PPP5C: variants seen among roughly 807,000 people sequenced by gnomAD.
PPP5C encodes the protein protein phosphatase 5 catalytic subunit, also known as serine/threonine-protein phosphatase 5.
A neutral mutation model predicts 66.7 loss-of-function variants in PPP5C; 21 were observed. The observed-to-expected ratio is 0.31, with a 90% CI of 0.22 to 0.45. PPP5C has a LOEUF of 0.45. Ranked by LOEUF, PPP5C falls within the 20% of genes least tolerant of loss-of-function variation. The pLI is 1.00. For missense variants in PPP5C, 464 were observed against 675.9 expected, an observed-to-expected ratio of 0.69 and a Z score of 3.48; for synonymous variants, 246 against 257.4, an observed-to-expected ratio of 0.96 and a Z score of 0.43.
intron 2 of PPP5C, 36 bp downstream of exon 2, chr19:46,354,025 C>A: frequency 6.2e-7 from 1 of 1,605,084 alleles, no homozygotes; most frequent in Non-Finnish European, 8.5e-7. Flanking sequence ...GGCACCTGAG[C>A]CAGGCAGATA....
Position 46,383,220 on chromosome 19 carries a change from C to T in PPP5C, c.634-191C>T. ...TCGCAATGCTTCGGCACTGCACAGG[C>T]CACAGAAGCCTGCGGCTGCCTCCGG... is the stretch of plus-strand genomic sequence containing the variant. On this transcript the variant is annotated intron_variant, in intron 4 of 12. Transcript: ENST00000012443. This position sits in a 1 kb window ranked among gnomAD's most constrained non-coding sequence, Gnocchi z 5.0. 6.5e-7 allele frequency: 1 copy of T among 1,536,218 alleles called. No individual in the cohort carries two copies. Among genetic ancestry groups the T allele is most frequent in the Non-Finnish European group, 8.7e-7 (1 of 1,144,464 alleles).
Position 46,390,523 on chromosome 19 carries a change from T to C in PPP5C, c.*177T>C. 1.4e-6 allele frequency: 2 copies of C among 1,421,438 alleles called. No individual in the cohort carries two copies. The highest frequency in any genetic ancestry group is 2.9e-5 in the African/African-American group (2 of 69,888). The allele number at this position is 1,421,438 out of a possible 1,614,324, so 88.1% of individuals were successfully genotyped here. A position where few individuals can be genotyped will look rare whatever the true frequency, so the allele number is the denominator to read the frequency against. ...AGGGGGTAGGGGCAGAGTCAGGGGCTGGCCAGAGGGTCTGCTCCCTGGACA... is the reference window on the plus strand; with the variant it reads ...AGGGGGTAGGGGCAGAGTCAGGGGCCGGCCAGAGGGTCTGCTCCCTGGACA... On this transcript the variant is annotated 3_prime_UTR_variant, in exon 13 of 13. Transcript: ENST00000012443.
rs1972704774 is a variant in PPP5C, at chr19:46,376,774, G to GC, written c.633+201dup. ...CCACAGCAGTTTGGGGAGGTGGCAG[G>GC]CAGTGCCATTTGACAGATGCAGGGA... On this transcript the variant is annotated intron_variant, in intron 4 of 12. Coordinates refer to ENST00000012443, the MANE Select transcript of PPP5C (RefSeq NM_006247.4). The surrounding 1 kb of genome is among the most constrained non-coding windows in gnomAD (Gnocchi z 5.1). The GC allele has an allele frequency of 2.9e-6, 2 of 681,230 alleles. No individual in the cohort carries two copies. The highest frequency in any genetic ancestry group is 4.6e-6 in the Non-Finnish European group (2 of 432,860). 42.2% of individuals were successfully genotyped at this position (681,230 alleles called of 1,614,324 possible).
chr19:46,370,042 T>C (rs1283906445), intron 2 of PPP5C, among the ~76,000 whole-genome samples: 1 of 152,042 alleles, frequency 6.6e-6, no homozygotes, highest in Non-Finnish European at 1.5e-5. Context: ...GGTGAGTGAA[T>C]GTAAGGCTAG....
chr19:46,388,074 G>C lies in PPP5C; in HGVS notation c.1136-334G>C. 1 of 331,536 alleles carries C rather than the reference G, an allele frequency of 3.0e-6. No homozygotes were observed. The highest frequency in any genetic ancestry group is 5.6e-6 in the Non-Finnish European group (1 of 178,774). 20.5% of individuals were successfully genotyped at this position (331,536 alleles called of 1,614,324 possible). A position where few individuals can be genotyped will look rare whatever the true frequency, so the allele number is the denominator to read the frequency against. On this transcript the variant is annotated intron_variant, in intron 9 of 12. Coordinates refer to ENST00000012443, the MANE Select transcript of PPP5C (RefSeq NM_006247.4). This position sits in a 1 kb window ranked among gnomAD's most constrained non-coding sequence, Gnocchi z 4.9. ...ATCCTATGGCGCTTTACAGGCCCCA[G>C]TGAGGAACTTTGTTCCTAGGGCAGT...
intron 11 of PPP5C, 103 bp from the exon 12 acceptor site, chr19:46,389,948 C>G: frequency 2.4e-5 from 24 of 1,015,882 alleles, no homozygotes; most frequent in Non-Finnish European, 3.6e-5. Flanking sequence ...TGGCTCTGTC[C>G]CTCCCTCTCC....
chr19:46,387,652 C>T, intron 9 of PPP5C, 199 bp downstream of exon 9: 1 of 1,510,676 alleles, frequency 6.6e-7, no homozygotes, highest in Non-Finnish European at 8.9e-7. Context: ...CGGTCGTGAC[C>T]ATGGTGCGGG....
At chr19:46,372,703 C>T (rs1013318547) in intron 2 of PPP5C, among the ~76,000 whole-genome samples, 1 of 152,240 alleles carries the variant, frequency 6.6e-6, no homozygotes, top group African/African-American at 2.4e-5. Context: ...GTGGATTCAC[C>T]TGCAGTTGTA....
chr19:46,365,892 G>A (rs1972482393), intron 2 of PPP5C, among the ~76,000 whole-genome samples: 1 of 152,204 alleles, frequency 6.6e-6, no homozygotes, highest in Non-Finnish European at 1.5e-5. Context: ...TGCCAGTACT[G>A]TGACCCGGGC....
chr19:46,361,763 C>CA lies in PPP5C; in HGVS notation c.363+7789dup, dbSNP rs202221574. The stretch of plus-strand genomic sequence containing the variant: ...CTGGCGACAGAGCCAGACTCCGTCT[C>CA]AAAAAAAAAAAAAAATACTATACCA... On this transcript the variant is annotated intron_variant, in intron 2 of 12. Transcript: ENST00000012443. 3.8e-3 allele frequency among the ~76,000 whole-genome samples: 392 copies of CA among 104,214 alleles called. 1 individual carries two copies. The highest frequency in any genetic ancestry group is 7.6e-3 in the South Asian group (25 of 3,288). 68.4% of individuals were successfully genotyped at this position (104,214 alleles called of 152,430 possible). A position where few individuals can be genotyped will look rare whatever the true frequency, so the allele number is the denominator to read the frequency against.
intron 2 of PPP5C, among the ~76,000 whole-genome samples, chr19:46,354,234 TGAG>T (rs1192801592): frequency 6.6e-6 from 1 of 152,192 alleles, no homozygotes. Context: ...ATCCGTGAAA[TGAG>T]GAGAACAAGA....
At chr19:46,384,064 C>G (rs1295424119) in intron 6 of PPP5C, 186 bp downstream of exon 6, 1 of 601,270 alleles carries the variant, frequency 1.7e-6, no homozygotes, top group African/African-American at 1.9e-5. Context: ...GCTCCAGGCT[C>G]GGACAGGCCT....
At chr19:46,347,402 T>G (rs957720168) in intron 1 of PPP5C, among the ~76,000 whole-genome samples, 185 bp downstream of exon 1, 8 of 151,890 alleles carry the variant, frequency 5.3e-5, no homozygotes, top group Admixed American at 2.0e-4. Flanking sequence ...GAGTGATACC[T>G]AGGAGTGGCG....
chr19:46,352,806 C>G (rs368294638), intron 1 of PPP5C, among the ~76,000 whole-genome samples: 1 of 136,128 alleles, frequency 7.3e-6, no homozygotes, highest in Non-Finnish European at 1.5e-5. Context: ...GGCGACAGAG[C>G]GAGACTCCAT....
At chr19:46,377,570 T>G (rs1318547947) in intron 4 of PPP5C, among the ~76,000 whole-genome samples, 1 of 152,216 alleles carries the variant, frequency 6.6e-6, no homozygotes, top group African/African-American at 2.4e-5. Context: ...TAGATGAGTT[T>G]TTAGAGTTTT....
rs1972690957 is a variant in PPP5C at position 46,376,101 on chromosome 19, T to C, written c.511+350T>C. 6.6e-6 allele frequency among the ~76,000 whole-genome samples: 1 copy of C among 152,198 alleles called. No individual in the cohort carries two copies. Among genetic ancestry groups the C allele is most frequent in the African/African-American group, 2.4e-5 (1 of 41,454 alleles). Reference sequence around the variant, plus strand: ...ACAGATGATTATTGAGCATCTCCTATGTGCCCGGCACTGTCCTAGGCACTA... The same window carrying C: ...ACAGATGATTATTGAGCATCTCCTACGTGCCCGGCACTGTCCTAGGCACTA... On this transcript the variant is annotated intron_variant, in intron 3 of 12. Coordinates refer to ENST00000012443, the MANE Select transcript of PPP5C (RefSeq NM_006247.4). This position sits in a 1 kb window ranked among gnomAD's most constrained non-coding sequence, Gnocchi z 5.1.
chr19:46,352,066 G>A (rs958698249), intron 1 of PPP5C, among the ~76,000 whole-genome samples: 18 of 152,122 alleles, frequency 1.2e-4, no homozygotes, highest in Non-Finnish European at 2.2e-4. Flanking sequence ...TTTCCCTCTG[G>A]AGCCACTCAT....
chr19:46,371,288 A>G (rs190268119), intron 2 of PPP5C, among the ~76,000 whole-genome samples: 2 of 152,320 alleles, frequency 1.3e-5, no homozygotes, highest in African/African-American at 4.8e-5. Context: ...ACAGTCAGTT[A>G]GAAATGCGTG....
intron 1 of PPP5C, 24 bp from the exon 2 acceptor site, chr19:46,353,724 A>AT (rs2147362214): frequency 1.2e-6 from 2 of 1,613,754 alleles, no homozygotes; most frequent in East Asian, 4.5e-5. Context: ...GCACTGCCTC[A>AT]TGCCTCTTCT....
Sources: gnomAD v4.1 joint callset for allele counts (sites outside exome capture counted in the v4.1 genomes callset) on GRCh38, gnomAD v4.1.1 for gene constraint, Gnocchi (gnomAD v3.1) non-coding constraint, MANE v1.5 for transcripts, NCBI Gene and HGNC (gene_info 2026-07-23, HGNC 2026-07-21) for gene names.